The following PAX6 variants were observed in gnomAD, a reference collection of about 807,000 sequenced individuals.
PAX6 encodes the protein paired box 6.
Under a neutral mutation model 60.7 loss-of-function variants are expected in PAX6, and 7 were observed. The ratio of observed to expected loss-of-function variants is 0.12; its 90% confidence interval spans 0.07 to 0.22. PAX6 has a LOEUF of 0.22. Among genes scored for constraint, PAX6 ranks in the 10% least tolerant of loss-of-function variants. The pLI is 1.00. For missense variants in PAX6, 355 were observed against 555.2 expected, an observed-to-expected ratio of 0.64 and a Z score of 3.62; for synonymous variants, 208 against 201.2, an observed-to-expected ratio of 1.03 and a Z score of -0.29.
At chr11:31,794,233 A>T in intron 9 of PAX6, 119 bp from the exon 10 acceptor site, 2 of 795,150 alleles carry the variant, frequency 2.5e-6, no homozygotes, top group East Asian at 2.4e-5. Flanking sequence ...AATTCCCTTT[A>T]AAATGCTTCT....
chr11:31,794,956 A>T (rs1951064704), intron 8 of PAX6, among the ~76,000 whole-genome samples, 168 bp from the exon 9 acceptor site: 1 of 152,232 alleles, frequency 6.6e-6, no homozygotes, highest in Non-Finnish European at 1.5e-5. Context: ...TTGCGATGTT[A>T]GTTACCTGAC....
chr11:31,810,822 A>G lies in PAX6; in HGVS notation c.-129+6T>C, dbSNP rs1956921626. On this transcript the variant is annotated splice_donor_region_variant and intron_variant, in intron 2 of 13. Transcript: ENST00000640368. The stretch of plus-strand genomic sequence containing the variant: ...AAATAAAGCGAGAAGAAAGAAGCGG[A>G]CTCACCTTTATGAGGCATCCTTTCT... 1.0e-5 allele frequency: 4 copies of G among 398,926 alleles called. No individual in the cohort carries two copies. The highest frequency in any genetic ancestry group is 1.8e-5 in the Non-Finnish European group (4 of 226,088). The allele number at this position is 398,926 out of a possible 1,614,324, so 24.7% of individuals were successfully genotyped here.
upstream of PAX6, chr11:31,811,512 G>C (rs1016175804): frequency 6.9e-6 from 2 of 290,014 alleles, no homozygotes; most frequent in Admixed American, 5.2e-5. Flanking sequence ...CCCCGAGCCC[G>C]GGCTCTGGCG....
At chr11:31,793,199 C>G (rs1950424071) in intron 12 of PAX6, 1 of 673,240 alleles carries the variant, frequency 1.5e-6, no homozygotes, top group East Asian at 2.7e-5. Flanking sequence ...TAATAAAAGG[C>G]AGATCAACCT....
intron 6 of PAX6, 46 bp downstream of exon 6, chr11:31,801,824 AC>A (rs1400353267): frequency 6.2e-7 from 1 of 1,614,098 alleles, no homozygotes; most frequent in East Asian, 2.2e-5. Flanking sequence ...TAATTTCAAG[AC>A]AAAAATAAAA....
Position 31,789,993 on chromosome 11 carries a change from G to C in PAX6, c.1252C>G (p.Pro418Ala). 1 of 1,571,150 alleles carries C rather than the reference G, an allele frequency of 6.4e-7. No homozygotes were observed. Among genetic ancestry groups the C allele is most frequent in the Non-Finnish European group, 8.6e-7 (1 of 1,166,154 alleles). ...TGLISPGVSV[P>A]VQVPGSEPDM... The stretch of plus-strand genomic sequence containing the variant: ...GGTTCACTTCCGGGAACTTGAACTG[G>C]AACTGACACACCAGGGGAAATGAGT... Residue 418 changes from proline (P) to alanine (A), a missense_variant, in exon 14 of 14, where the codon CCA (proline) becomes GCA (alanine). Physicochemically the swap from Pro to Ala is conservative, Grantham distance 27. Transcript: ENST00000640368.
Position 31,802,757 on chromosome 11 carries a change from C to T in PAX6, c.88G>A (p.Val30Ile), listed in dbSNP as rs768554144. Residue 30 changes from valine to isoleucine, a missense_variant, in exon 5 of 14, where the codon GTA (valine) becomes ATA (isoleucine). Physicochemically the swap from Val to Ile is conservative, Grantham distance 29. This residue lies in a region of PAX6 where 41 missense variants were observed against 77.1 expected (regional missense o/e 0.53). Coordinates refer to ENST00000640368, the MANE Select transcript of PAX6 (RefSeq NM_001368894.2). ...PLPDSTRQKI[V>I]ELAHSGARPC... ...CGGGCCCCGCTGTGAGCTAGCTCTA[C>T]AATCTTCTGCCGGGTGGAGTCCGGC... 1 of 1,614,050 alleles carries T rather than the reference C, an allele frequency of 6.2e-7. No individual in the cohort carries two copies. The highest frequency in any genetic ancestry group is 1.7e-5 in the Admixed American group (1 of 60,002).
intron 3 of PAX6, 168 bp downstream of exon 3, chr11:31,806,680 CA>C (rs1955888818): frequency 1.9e-6 from 1 of 530,194 alleles, no homozygotes; most frequent in African/African-American, 1.9e-5. Flanking sequence ...GGAATATCCC[CA>C]ATCTGTTTCC....
chr11:31,793,085 C>A, intron 12 of PAX6: 1 of 599,440 alleles, frequency 1.7e-6, no homozygotes, highest in Non-Finnish European at 3.0e-6. Flanking sequence ...AACTACTAAT[C>A]TGCTATCTGA....
At chr11:31,795,041 T>A (rs1334701694) in intron 8 of PAX6, among the ~76,000 whole-genome samples, 1 of 152,160 alleles carries the variant, frequency 6.6e-6, no homozygotes, top group Non-Finnish European at 1.5e-5. Flanking sequence ...AATGAAAAAA[T>A]AAGCACTGAA....
chr11:31,799,954 C>A (rs1316685954), intron 8 of PAX6, among the ~76,000 whole-genome samples: 2 of 146,166 alleles, frequency 1.4e-5, no homozygotes, highest in East Asian at 2.1e-4. Flanking sequence ...CCCTCCGCCC[C>A]ACCCCCCCCA....
Position 31,793,520 on chromosome 11 carries a change from C to G in PAX6, c.992G>C (p.Arg331Pro), listed in dbSNP as rs75572362. Residue 331 changes from arginine (R) to proline (P), a missense_variant, in exon 12 of 14, where the codon CGA (arginine) becomes CCA (proline). This residue lies in a region of PAX6 where 149 missense variants were observed against 191.9 expected (regional missense o/e 0.78). Coordinates refer to ENST00000640368, the MANE Select transcript of PAX6 (RefSeq NM_001368894.2). ...GGTGTTTGTGAGGGCTGTGTCTGTT[C>G]GGCCCAACATGGAGCCAGATGTGAA... Reference protein sequence around the residue: ...SSFTSGSMLGRTDTALTNTYS... With the variant: ...SSFTSGSMLGPTDTALTNTYS... 6.2e-7 allele frequency: 1 copy of G among 1,614,168 alleles called. No individual in the cohort carries two copies. Among genetic ancestry groups the G allele is most frequent in the East Asian group, 2.2e-5 (1 of 44,880 alleles).
rs1365873505 is a variant in PAX6 at position 31,801,794 on chromosome 11, A to G, written c.184-18T>C. ...TTGGACACCTGCATAGGGGAAGTGG[A>G]CAGAAAACCACATTATTAATAATTT... On this transcript the variant is annotated intron_variant, in intron 6 of 13. Coordinates refer to ENST00000640368, the MANE Select transcript of PAX6 (RefSeq NM_001368894.2). The G allele has an allele frequency of 6.2e-6, 10 of 1,614,092 alleles. No individual in the cohort carries two copies. Among genetic ancestry groups the G allele is most frequent in the Non-Finnish European group, 8.5e-6 (10 of 1,180,034 alleles).
At chr11:31,795,058 A>G (rs1951091448) in intron 8 of PAX6, among the ~76,000 whole-genome samples, 1 of 152,228 alleles carries the variant, frequency 6.6e-6, no homozygotes, top group Non-Finnish European at 1.5e-5. Flanking sequence ...TGAAGTTTCC[A>G]ATTAAAATGA....
intron 7 of PAX6, chr11:31,801,216 TG>T (rs1320925403): frequency 7.0e-6 from 9 of 1,292,620 alleles, no homozygotes; most frequent in Non-Finnish European, 9.0e-6. Context: ...AGGATGGAAA[TG>T]GATGTGTGAC....
intron 2 of PAX6, 133 bp downstream of exon 2, chr11:31,810,695 C>T (rs1840536279): frequency 2.5e-6 from 1 of 397,570 alleles, no homozygotes; most frequent in Non-Finnish European, 4.4e-6. Context: ...GTGGAAACTT[C>T]TCCGGCCCAA....
At chr11:31,790,498 C>T (rs1436133029) in intron 13 of PAX6, 1 of 985,014 alleles carries the variant, frequency 1.0e-6, no homozygotes, top group Non-Finnish European at 1.2e-6. Context: ...ACTTTTGTGA[C>T]CAAATTCAGG....
At chr11:31,816,518 G>A (rs1957382211) in intron 1 of PAX6, 3 of 702,522 alleles carry the variant, frequency 4.3e-6, no homozygotes, top group South Asian at 3.0e-5. Context: ...GAGGAGGCCC[G>A]AGGATGGCTG....
upstream of PAX6, among the ~76,000 whole-genome samples, chr11:31,815,653 A>G (rs1323470536): frequency 6.6e-6 from 1 of 152,026 alleles, no homozygotes; most frequent in Non-Finnish European, 1.5e-5. Flanking sequence ...GTAAGAGTTA[A>G]TCTGCCTGTT....
Sources: gnomAD v4.1 joint callset for allele counts (sites outside exome capture counted in the v4.1 genomes callset) on GRCh38, gnomAD v4.1.1 for gene constraint, gnomAD v4.1.1 regional missense constraint, MANE v1.5 for transcripts, NCBI Gene and HGNC (gene_info 2026-07-23, HGNC 2026-07-21) for gene names.